The following NUDT3 variants were observed in gnomAD, a reference collection of about 807,000 sequenced individuals.
The protein encoded by NUDT3 is diphosphoinositol polyphosphate phosphohydrolase 1.
NUDT3 carries 9 observed loss-of-function variants against 23.6 expected under a neutral mutation model. The ratio of observed to expected loss-of-function variants is 0.38; its 90% confidence interval spans 0.23 to 0.66. NUDT3 has a LOEUF of 0.66. Ranked by LOEUF, NUDT3 falls within the 30% of genes least tolerant of loss-of-function variation. The pLI is 0.52. For synonymous variants in NUDT3, 86 were observed against 82.6 expected, an observed-to-expected ratio of 1.04 and a Z score of -0.22; for missense variants, 172 against 218.5, an observed-to-expected ratio of 0.79 and a Z score of 1.34.
intron 1 of NUDT3, among the ~76,000 whole-genome samples, chr6:34,349,574 G>T (rs1270955716): frequency 1.3e-5 from 2 of 150,506 alleles, no homozygotes; most frequent in Non-Finnish European, 3.0e-5. Context: ...GGTGATTTTG[G>T]AAACAATGGT....
Position 34,297,730 on chromosome 6 carries a change from AATATAT to A in NUDT3, c.211-2051_211-2046del, listed in dbSNP as rs139306311. Among the ~76,000 whole-genome samples the A allele has an allele frequency of 2.5e-3, 177 of 71,946 alleles. 2 individuals are homozygous for A. The highest frequency in any genetic ancestry group is 9.4e-3 in the Middle Eastern group (1 of 106). 47.2% of individuals were successfully genotyped at this position (71,946 alleles called of 152,430 possible). On this transcript the variant is annotated intron_variant, in intron 2 of 4. Transcript: ENST00000607016. ...CACCCGGCTAATGTAAAAAAAAAAA[AATATAT>A]ATATATATATATATATATATATAAT...
chr6:34,309,262 A>G (rs1763731715), intron 2 of NUDT3, among the ~76,000 whole-genome samples: 1 of 152,180 alleles, frequency 6.6e-6, no homozygotes, highest in Non-Finnish European at 1.5e-5. Context: ...AGATTGCTGG[A>G]AAATCCTCTA....
intron 1 of NUDT3, among the ~76,000 whole-genome samples, chr6:34,389,351 C>T (rs1339091714): frequency 6.6e-6 from 1 of 152,188 alleles, no homozygotes; most frequent in Non-Finnish European, 1.5e-5. Flanking sequence ...TTCCCCTTTG[C>T]CTTCTGCCAT....
intron 1 of NUDT3, among the ~76,000 whole-genome samples, chr6:34,381,165 C>A (rs1381001203): frequency 2.0e-5 from 3 of 152,094 alleles, no homozygotes; most frequent in Non-Finnish European, 4.4e-5. Context: ...CACAGGCGCA[C>A]ACCACCACAC....
At chr6:34,311,865 A>G (rs1041700383) in intron 2 of NUDT3, among the ~76,000 whole-genome samples, 1 of 152,226 alleles carries the variant, frequency 6.6e-6, no homozygotes, top group Admixed American at 6.5e-5. Flanking sequence ...TTGCCTGGCC[A>G]TCCACATGCA....
In NUDT3 at chr6:34,285,491, C is replaced by T. The variant is rs1763323361; in HGVS notation, c.*3262G>A. 1 of 152,226 alleles carries T rather than the reference C, an allele frequency of 6.6e-6. No homozygotes were observed. The highest frequency in any genetic ancestry group is 2.1e-4 in the South Asian group (1 of 4,830). 9.4% of individuals were successfully genotyped at this position (152,226 alleles called of 1,614,324 possible). A position where few individuals can be genotyped will look rare whatever the true frequency, so the allele number is the denominator to read the frequency against. On this transcript the variant is annotated 3_prime_UTR_variant, in exon 5 of 5. Coordinates refer to ENST00000607016, the MANE Select transcript of NUDT3 (RefSeq NM_006703.4). ...TGGATGCTCCAGCAATAACCAGAATCTAGGACATGCAGACTCACTGTGAGC... is the reference window on the plus strand; with the variant it reads ...TGGATGCTCCAGCAATAACCAGAATTTAGGACATGCAGACTCACTGTGAGC...
intron 1 of NUDT3, among the ~76,000 whole-genome samples, chr6:34,373,523 A>G (rs1265720448): frequency 6.6e-6 from 1 of 152,154 alleles, no homozygotes; most frequent in Non-Finnish European, 1.5e-5. Context: ...CTGGTAACTT[A>G]TAACGTAATG....
At chr6:34,359,840 C>T (rs1409960660) in intron 1 of NUDT3, among the ~76,000 whole-genome samples, 2 of 152,180 alleles carry the variant, frequency 1.3e-5, no homozygotes, top group Non-Finnish European at 2.9e-5. Context: ...TGAGGACCCA[C>T]TAAACTTCCA....
chr6:34,392,664 C>G lies in NUDT3; in HGVS notation c.-302G>C. 5.2e-6 allele frequency: 1 copy of G among 193,668 alleles called. No individual in the cohort carries two copies. Among genetic ancestry groups the G allele is most frequent in the Non-Finnish European group, 1.0e-5 (1 of 95,250 alleles). The allele number at this position is 193,668 out of a possible 1,614,324, so 12.0% of individuals were successfully genotyped here. A position where few individuals can be genotyped will look rare whatever the true frequency, so the allele number is the denominator to read the frequency against. ...CGCCATCTTGGGCGCGATGCGTCAGCGGCGTAAGGCTGCACCGGCCTGCGG... is the reference window on the plus strand; with the variant it reads ...CGCCATCTTGGGCGCGATGCGTCAGGGGCGTAAGGCTGCACCGGCCTGCGG... On this transcript the variant is annotated 5_prime_UTR_variant, in exon 1 of 5. Coordinates refer to ENST00000607016, the MANE Select transcript of NUDT3 (RefSeq NM_006703.4).
chr6:34,337,522 T>C (rs114563403), intron 2 of NUDT3, among the ~76,000 whole-genome samples: 4,928 of 152,312 alleles, frequency 0.032, 109 homozygotes, highest in Non-Finnish European at 0.051. Flanking sequence ...CTTTTACCTA[T>C]AGAAGGATAG....
intron 1 of NUDT3, among the ~76,000 whole-genome samples, chr6:34,356,800 C>G (rs756789782): frequency 6.6e-6 from 1 of 151,712 alleles, no homozygotes; most frequent in Non-Finnish European, 1.5e-5. Flanking sequence ...TTTCTTTTGA[C>G]GGAGTCTCGC....
At chr6:34,291,872 T>C (rs927111993) in intron 4 of NUDT3, among the ~76,000 whole-genome samples, 7 of 152,206 alleles carry the variant, frequency 4.6e-5, no homozygotes, top group African/African-American at 1.4e-4. Context: ...ATGTCATTCA[T>C]TGATTTGTCA....
At chr6:34,339,162 C>T (rs186198539) in intron 2 of NUDT3, among the ~76,000 whole-genome samples, 109 of 152,292 alleles carry the variant, frequency 7.2e-4, no homozygotes, top group Middle Eastern at 6.8e-3. Context: ...AACAGATGGG[C>T]CTGCTGCTCT....
intron 3 of NUDT3, 148 bp from the exon 4 acceptor site, chr6:34,293,683 C>T (rs961313090): frequency 4.2e-5 from 38 of 913,832 alleles, no homozygotes; most frequent in Non-Finnish European, 5.5e-5. Flanking sequence ...GTTATAGCTA[C>T]ATGATTTAAA....
chr6:34,297,324 C>G (rs1426951430), intron 2 of NUDT3, among the ~76,000 whole-genome samples: 1 of 152,078 alleles, frequency 6.6e-6, no homozygotes, highest in African/African-American at 2.4e-5. Flanking sequence ...CTAGCTTATA[C>G]TTCATGAATT....
chr6:34,280,617 TC>T lies in NUDT3; in HGVS notation c.*8135del, dbSNP rs1219290273. 3 of 152,232 alleles carry T rather than the reference TC, an allele frequency of 2.0e-5. No homozygotes were observed. Among genetic ancestry groups the T allele is most frequent in the Non-Finnish European group, 4.4e-5 (3 of 68,044 alleles). 9.4% of individuals were successfully genotyped at this position (152,232 alleles called of 1,614,324 possible). A position where few individuals can be genotyped will look rare whatever the true frequency, so the allele number is the denominator to read the frequency against. ...AGCCTCTTGGTTATTCCATTTTCTA[TC>T]CCTTTCTACAATTATGAACACACTC... On this transcript the variant is annotated 3_prime_UTR_variant, in exon 5 of 5. Coordinates refer to ENST00000607016, the MANE Select transcript of NUDT3 (RefSeq NM_006703.4).
At position 34,368,933 on chromosome 6, in the gene NUDT3, C is replaced by T. The variant is rs150729740; in HGVS notation, c.99+23331G>A. On this transcript the variant is annotated intron_variant, in intron 1 of 4. Transcript: ENST00000607016. Reference sequence around the variant, plus strand: ...GATTACAGGAGTGAGCCACCGCGCCCGGCCCAACAGTAGCTCTGTTTAATA... The same window carrying T: ...GATTACAGGAGTGAGCCACCGCGCCTGGCCCAACAGTAGCTCTGTTTAATA... Among the ~76,000 whole-genome samples, 1,404 of 152,216 alleles carry T rather than the reference C, an allele frequency of 9.2e-3. 16 individuals carry two copies. Among genetic ancestry groups the T allele is most frequent in the Middle Eastern group, 0.024 (7 of 294 alleles).
intron 1 of NUDT3, among the ~76,000 whole-genome samples, chr6:34,367,996 T>C (rs1326765751): frequency 6.6e-6 from 1 of 151,686 alleles, no homozygotes; most frequent in African/African-American, 2.4e-5. Context: ...AGGTCAGGAG[T>C]TCGAGACCAG....
intron 2 of NUDT3, 124 bp from the exon 3 acceptor site, chr6:34,295,809 A>C: frequency 8.7e-7 from 1 of 1,147,442 alleles, no homozygotes; most frequent in Non-Finnish European, 1.3e-6. Flanking sequence ...GGCAGACTCC[A>C]CGATCTGTGA....
Sources: allele counts gnomAD v4.1 joint callset (sites outside exome capture counted in the v4.1 genomes callset), GRCh38; gene constraint gnomAD v4.1.1; transcripts MANE v1.5; gene names NCBI Gene and HGNC (gene_info 2026-07-23, HGNC 2026-07-21).